Variants in NRG2 observed in about 807,000 individuals in gnomAD.
The protein encoded by NRG2 is neuregulin 2, also known as pro-neuregulin-2, membrane-bound isoform.
In NRG2, 27 loss-of-function variants were observed where a neutral mutation model predicts 73.9. That is an observed-to-expected ratio of 0.37 (90% confidence interval 0.27 to 0.50). The LOEUF (loss-of-function observed/expected upper bound fraction) is 0.50, where lower values mean the gene tolerates loss of function less well. NRG2 is among the 20% of genes least tolerant of loss of function. The probability of loss-of-function intolerance (pLI) is 0.96; values close to 1 mark genes in which losing one functional copy is unlikely to be tolerated. For missense variants in NRG2, 1,126 were observed against 1,210.1 expected, an observed-to-expected ratio of 0.93 and a Z score of 1.03; for synonymous variants, 532 against 541.0, an observed-to-expected ratio of 0.98 and a Z score of 0.23.
At chr5:139,947,004 T>TAA (rs564303149) in intron 1 of NRG2, among the ~76,000 whole-genome samples, 2 of 146,120 alleles carry the variant, frequency 1.4e-5, no homozygotes, top group Non-Finnish European at 1.5e-5. Flanking sequence ...TGGCTACTAT[T>TAA]AAAAAAAAAA....
At chr5:139,850,773 A>G (rs553210749) in intron 9 of NRG2, among the ~76,000 whole-genome samples, 1 of 152,242 alleles carries the variant, frequency 6.6e-6, no homozygotes, top group East Asian at 1.9e-4. Context: ...TAGGAAGCCA[A>G]CAAGGCCTTG....
chr5:139,854,334 C>T lies in NRG2; in HGVS notation c.1293-1307G>A, dbSNP rs527328978. Among the ~76,000 whole-genome samples the T allele has an allele frequency of 9.2e-5, 14 of 152,376 alleles. No homozygotes were observed. The South Asian group carries it at 2.1e-3, about 23-fold the overall frequency. On this transcript the variant is annotated intron_variant, in intron 6 of 9. Transcript: ENST00000361474. ...TCAGGCCCTGGCCTAAATGCTGCTT[C>T]CTCAGGGAAACCCTTCCTGCTCCTC...
intron 1 of NRG2, among the ~76,000 whole-genome samples, chr5:140,026,618 AAAAAG>A (rs949975232): frequency 1.4e-4 from 21 of 152,318 alleles, no homozygotes; most frequent in East Asian, 1.9e-4. Context: ...TCTCCAGAAA[AAAAAG>A]AAAAGAAAAG....
chr5:139,953,813 A>C (rs1754415281), intron 1 of NRG2, among the ~76,000 whole-genome samples: 1 of 152,218 alleles, frequency 6.6e-6, no homozygotes, highest in Non-Finnish European at 1.5e-5. Flanking sequence ...CATGAGAACC[A>C]GAAGCACCTC....
At chr5:139,880,813 C>A in intron 3 of NRG2, 43 bp downstream of exon 3, 1 of 1,548,096 alleles carries the variant, frequency 6.5e-7, no homozygotes, top group Admixed American at 1.7e-5. Flanking sequence ...GCCCGCCCTG[C>A]CAAACCCCTC....
chr5:139,884,360 C>T (rs1478680128), intron 2 of NRG2, among the ~76,000 whole-genome samples: 1 of 152,160 alleles, frequency 6.6e-6, no homozygotes, highest in East Asian at 1.9e-4. Flanking sequence ...GCATAGGGAA[C>T]AGCCTGGGCC....
chr5:139,919,806 A>T (rs1751528556), intron 1 of NRG2, among the ~76,000 whole-genome samples: 3 of 152,244 alleles, frequency 2.0e-5, no homozygotes, highest in Admixed American at 2.0e-4. Context: ...TATGTTGGCT[A>T]TGTCAATGCA....
In NRG2 at chr5:139,887,100, A is replaced by T. The variant is rs1430576413; in HGVS notation, c.872+240T>A. 6.6e-6 allele frequency among the ~76,000 whole-genome samples: 1 copy of T among 152,248 alleles called. No individual in the cohort carries two copies. The highest frequency in any genetic ancestry group is 2.4e-5 in the African/African-American group (1 of 41,466). ...CAAATTGCCTTCAACTATCCAGAGAAGTTAAAGGCTTAATTCTTGTCTGTG... is the reference window on the plus strand; with the variant it reads ...CAAATTGCCTTCAACTATCCAGAGATGTTAAAGGCTTAATTCTTGTCTGTG... On this transcript the variant is annotated intron_variant, in intron 2 of 9. Transcript: ENST00000361474. The surrounding 1 kb of genome is among the most constrained non-coding windows in gnomAD (Gnocchi z 4.5).
rs1441318814 is a variant in NRG2, at chr5:139,853,106, A to T, written c.1293-79T>A. The T allele has an allele frequency of 1.3e-6, 2 of 1,584,174 alleles. No individual in the cohort carries two copies. The highest frequency in any genetic ancestry group is 1.7e-6 in the Non-Finnish European group (2 of 1,166,158). Reference sequence around the variant, plus strand: ...AACTTCCCTAGCTATCTCTCTAGGGAAACAGCTTTTCCTCCTGCCCAGGGT... The same window carrying T: ...AACTTCCCTAGCTATCTCTCTAGGGTAACAGCTTTTCCTCCTGCCCAGGGT... On this transcript the variant is annotated intron_variant, in intron 6 of 9. Coordinates refer to ENST00000361474, the MANE Select transcript of NRG2 (RefSeq NM_004883.3). This position sits in a 1 kb window ranked among gnomAD's most constrained non-coding sequence, Gnocchi z 4.1.
intron 1 of NRG2, among the ~76,000 whole-genome samples, chr5:140,038,801 G>T (rs6892839): frequency 0.024 from 3,625 of 152,268 alleles, 129 homozygotes; most frequent in African/African-American, 0.078. Context: ...CATTAGGGTG[G>T]TAATTCAATC....
chr5:139,945,385 A>T (rs1311444571), intron 1 of NRG2, among the ~76,000 whole-genome samples: 1 of 152,040 alleles, frequency 6.6e-6, no homozygotes, highest in African/African-American at 2.4e-5. Context: ...CTGGTCTTAC[A>T]TTTAGGTCTT....
rs541028614 is a variant in NRG2, at chr5:139,865,032, T to C, written c.1189+517A>G. On this transcript the variant is annotated intron_variant, in intron 5 of 9. Transcript: ENST00000361474. The surrounding 1 kb of genome is among the most constrained non-coding windows in gnomAD (Gnocchi z 5.2). ...GGACACCCTCTACATCTCCCCCTAG[T>C]CTTGCTAAGCAAGGCCCCATCCCTC... 1 of 1,184,204 alleles carries C rather than the reference T, an allele frequency of 8.4e-7. No individual in the cohort carries two copies. The highest frequency in any genetic ancestry group is 1.7e-5 in the Admixed American group (1 of 58,974). The allele number at this position is 1,184,204 out of a possible 1,614,324, so 73.4% of individuals were successfully genotyped here.
intron 1 of NRG2, among the ~76,000 whole-genome samples, chr5:139,919,057 T>G (rs1244363627): frequency 2.0e-5 from 3 of 152,174 alleles, no homozygotes; most frequent in Non-Finnish European, 1.5e-5. Flanking sequence ...ACTGCAGAAG[T>G]GAGCACAATA....
chr5:139,929,545 G>C (rs922145455), intron 1 of NRG2, among the ~76,000 whole-genome samples: 2 of 152,154 alleles, frequency 1.3e-5, no homozygotes, highest in African/African-American at 4.8e-5. Flanking sequence ...GAAGAGATCA[G>C]GTATAGGCTA....
At chr5:139,855,850 C>T (rs1005808903) in intron 5 of NRG2, 72 bp from the exon 6 acceptor site, 6 of 1,229,062 alleles carry the variant, frequency 4.9e-6, no homozygotes, top group African/African-American at 4.4e-5. Context: ...GCAGAGACCC[C>T]TTTGCCCCCA....
At chr5:139,969,746 T>C (rs1755836329) in intron 1 of NRG2, among the ~76,000 whole-genome samples, 1 of 152,196 alleles carries the variant, frequency 6.6e-6, no homozygotes, top group Non-Finnish European at 1.5e-5. Context: ...TAGCTTCTAG[T>C]TCCACCCCAA....
intron 1 of NRG2, among the ~76,000 whole-genome samples, chr5:139,983,150 C>T (rs957906233): frequency 1.8e-4 from 27 of 152,214 alleles, no homozygotes; most frequent in Non-Finnish European, 3.8e-4. Context: ...AGTCACTCCC[C>T]TGGAGGTGAG....
At chr5:140,018,590 C>T (rs761310097) in intron 1 of NRG2, among the ~76,000 whole-genome samples, 2 of 152,192 alleles carry the variant, frequency 1.3e-5, no homozygotes, top group African/African-American at 2.4e-5. Flanking sequence ...ATAGCCGTGG[C>T]ACTTGACTCT....
intron 1 of NRG2, among the ~76,000 whole-genome samples, chr5:139,897,280 C>A (rs886961534): frequency 3.9e-5 from 6 of 152,206 alleles, no homozygotes; most frequent in Non-Finnish European, 7.3e-5. Context: ...CAGGGACAGT[C>A]TCATCCACTT....
Sources: gnomAD v4.1 joint callset for allele counts (sites outside exome capture counted in the v4.1 genomes callset) on GRCh38, gnomAD v4.1.1 for gene constraint, Gnocchi (gnomAD v3.1) non-coding constraint, MANE v1.5 for transcripts, NCBI Gene and HGNC (gene_info 2026-07-23, HGNC 2026-07-21) for gene names.